ANXA8: variants seen among roughly 807,000 people sequenced by gnomAD.
ANXA8 encodes the protein annexin A8.
Under a neutral mutation model 26.8 loss-of-function variants are expected in ANXA8, and 9 were observed. The ratio of observed to expected loss-of-function variants is 0.34; its 90% CI spans 0.20 to 0.59. The LOEUF (loss-of-function observed/expected upper bound fraction) is 0.59, where lower values mean the gene tolerates loss of function less well. ANXA8 is among the 20% of genes least tolerant of loss of function. The pLI is 0.84. For missense variants in ANXA8, 83 were observed against 238.5 expected (o/e 0.35, Z 4.29); for synonymous variants, 39 against 94.8 (o/e 0.41, Z 3.42).
chr10:47,776,021 G>T, the ANXA8 span, among the ~76,000 whole-genome samples: 1 of 152,056 alleles, frequency 6.6e-6, no homozygotes, highest in Non-Finnish European at 1.5e-5. Context: ...TGGCATGGTG[G>T]CAACTCAGTT....
the ANXA8 span, among the ~76,000 whole-genome samples, chr10:47,687,264 A>AT: frequency 5.7e-3 from 744 of 130,898 alleles, 4 homozygotes; most frequent in East Asian, 0.021. Context: ...TCCCACCAAC[A>AT]TTTTTTTTTT....
chr10:47,495,431 AC>A, the ANXA8 span, among the ~76,000 whole-genome samples: 1 of 150,412 alleles, frequency 6.6e-6, no homozygotes, highest in African/African-American at 2.4e-5. Context: ...GATTACCGGC[AC>A]ATGCCACCAT....
At chr10:47,544,332 C>A in the ANXA8 span, 1 of 137,292 alleles carries the variant, frequency 7.3e-6, no homozygotes, top group Non-Finnish European at 1.5e-5. Flanking sequence ...CTTTTTCTAG[C>A]CTTTTTAGCT....
At chr10:47,705,685 G>A in the ANXA8 span, among the ~76,000 whole-genome samples, 2 of 151,620 alleles carry the variant, frequency 1.3e-5, no homozygotes, top group African/African-American at 4.8e-5. Context: ...ACATACACAG[G>A]AATTTATGGT....
the ANXA8 span, among the ~76,000 whole-genome samples, chr10:47,520,906 T>G: frequency 7.7e-6 from 1 of 129,298 alleles, no homozygotes; most frequent in Non-Finnish European, 1.6e-5. Flanking sequence ...AAATCAACTT[T>G]GCATAAAATA....
At chr10:47,951,710 C>T in the ANXA8 span, among the ~76,000 whole-genome samples, 3 of 144,210 alleles carry the variant, frequency 2.1e-5, no homozygotes, top group African/African-American at 7.9e-5. Flanking sequence ...ACTCAGGAAG[C>T]TGAGGCAGGA....
chr10:47,674,970 T>C, the ANXA8 span, among the ~76,000 whole-genome samples: 8 of 149,998 alleles, frequency 5.3e-5, no homozygotes, highest in African/African-American at 1.7e-4. Context: ...ATGTAGTATA[T>C]GCTTTAGTAT....
the ANXA8 span, among the ~76,000 whole-genome samples, chr10:47,706,011 G>T: frequency 1.3e-5 from 2 of 151,630 alleles, no homozygotes; most frequent in East Asian, 3.9e-4. Context: ...TGTGGGGGGG[G>T]AGGGGCGCCG....
the ANXA8 span, among the ~76,000 whole-genome samples, chr10:47,683,142 C>G: frequency 6.6e-6 from 1 of 151,036 alleles, no homozygotes; most frequent in African/African-American, 2.4e-5. Flanking sequence ...AAAAAATCAT[C>G]TTATATCTTT....
rs1159995648 is a variant in ANXA8, at chr10:47,483,905, C to G, written c.21+8G>C. ...AGGAACCCAAATCTCCTGCCAGCTC[C>G]CACTTACCCAGGATTTCCACCAGGC... On this transcript the variant is annotated splice_region_variant and intron_variant, in intron 1 of 11. Transcript: ENST00000585281. 9.1e-5 allele frequency: 147 copies of G among 1,611,606 alleles called. No homozygotes were observed. The highest frequency in any genetic ancestry group is 1.0e-4 in the Non-Finnish European group (123 of 1,179,856).
At chr10:47,593,548 G>A in the ANXA8 span, among the ~76,000 whole-genome samples, 2 of 149,728 alleles carry the variant, frequency 1.3e-5, no homozygotes, top group South Asian at 4.2e-4. Context: ...CCATCTACCA[G>A]ACTGAAGTTT....
chr10:47,560,207 G>A, the ANXA8 span, among the ~76,000 whole-genome samples: 1 of 151,832 alleles, frequency 6.6e-6, no homozygotes, highest in South Asian at 2.1e-4. Flanking sequence ...GCTTCTGTTT[G>A]ATTTATGAAT....
chr10:47,942,808 C>A, the ANXA8 span, among the ~76,000 whole-genome samples: 1 of 145,976 alleles, frequency 6.9e-6, no homozygotes, highest in South Asian at 2.2e-4. Flanking sequence ...GCTAAGCCTA[C>A]AGGCGGCAGG....
At chr10:47,627,418 C>T in the ANXA8 span, among the ~76,000 whole-genome samples, 8 of 150,158 alleles carry the variant, frequency 5.3e-5, 1 homozygote, top group East Asian at 3.8e-4. Context: ...GTCACTCTAT[C>T]GGTACTGTTA....
At chr10:47,557,237 G>T in the ANXA8 span, among the ~76,000 whole-genome samples, 2 of 143,062 alleles carry the variant, frequency 1.4e-5, no homozygotes, top group African/African-American at 5.2e-5. Context: ...TCGAACTCCT[G>T]ACCTCAAATG....
chr10:47,525,876 C>A, the ANXA8 span, among the ~76,000 whole-genome samples: 2 of 123,670 alleles, frequency 1.6e-5, no homozygotes, highest in African/African-American at 6.3e-5. Flanking sequence ...GTGATCTTGG[C>A]TCACTGCAAC....
chr10:47,506,716 T>C, the ANXA8 span, among the ~76,000 whole-genome samples: 10 of 144,326 alleles, frequency 6.9e-5, 2 homozygotes, highest in Non-Finnish European at 7.6e-5. Flanking sequence ...CTCAGCTCTC[T>C]GCAACCTCCG....
chr10:47,682,544 A>G, the ANXA8 span, among the ~76,000 whole-genome samples: 2 of 143,372 alleles, frequency 1.4e-5, no homozygotes, highest in African/African-American at 5.3e-5. Context: ...ATCTTGGCTC[A>G]CTGCAACCTC....
At chr10:47,672,417 A>G in the ANXA8 span, among the ~76,000 whole-genome samples, 2 of 151,886 alleles carry the variant, frequency 1.3e-5, no homozygotes, top group African/African-American at 4.9e-5. Flanking sequence ...AAAACTTCTT[A>G]TCTCCCATGA....
Sources: gnomAD v4.1 joint callset for allele counts (sites outside exome capture counted in the v4.1 genomes callset) on GRCh38, gnomAD v4.1.1 for gene constraint, MANE v1.5 for transcripts, NCBI Gene and HGNC (gene_info 2026-07-23, HGNC 2026-07-21) for gene names.